NCKAP5: variants seen among roughly 807,000 people sequenced by gnomAD.
NCKAP5 encodes the protein nck-associated protein 5.
Under a neutral mutation model 167.0 loss-of-function variants are expected in NCKAP5, and 92 were observed. That is an observed-to-expected ratio of 0.55 (90% CI 0.47 to 0.66). The LOEUF (loss-of-function observed/expected upper bound fraction) is 0.66. NCKAP5 is among the 30% of genes least tolerant of loss of function. The pLI is 0.00. For synonymous variants in NCKAP5, 891 were observed against 877.4 expected (o/e 1.02, Z -0.27); for missense variants, 2,378 against 2,315.0 (o/e 1.03, Z -0.56).
chr2:133,479,925 C>A (rs955699071), intron 3 of NCKAP5, among the ~76,000 whole-genome samples: 3 of 141,970 alleles, frequency 2.1e-5, no homozygotes, highest in Non-Finnish European at 4.5e-5. Flanking sequence ...GATTTGTTTT[C>A]TTTTTCCTTT....
intron 4 of NCKAP5, among the ~76,000 whole-genome samples, chr2:133,244,950 C>A (rs926081624): frequency 6.6e-6 from 1 of 152,166 alleles, no homozygotes; most frequent in African/African-American, 2.4e-5. Flanking sequence ...GCATAAAGGA[C>A]TTTATTAATT....
intron 4 of NCKAP5, among the ~76,000 whole-genome samples, chr2:133,277,623 A>G (rs1222739575): frequency 6.6e-5 from 10 of 152,184 alleles, no homozygotes; most frequent in Non-Finnish European, 5.9e-5. Flanking sequence ...AAAAATAACA[A>G]GGTTCTTTGG....
chr2:132,716,735 G>A (rs565678179), intron 19 of NCKAP5, among the ~76,000 whole-genome samples: 9 of 152,190 alleles, frequency 5.9e-5, no homozygotes, highest in African/African-American at 1.7e-4. Context: ...ATTGAGCAAC[G>A]GCCTTGCTAC....
At chr2:133,464,721 G>T (rs1363141170) in intron 3 of NCKAP5, among the ~76,000 whole-genome samples, 1 of 152,162 alleles carries the variant, frequency 6.6e-6, no homozygotes, top group Non-Finnish European at 1.5e-5. Context: ...AATAAATGTG[G>T]AAATAAGTTA....
chr2:133,289,640 G>A (rs576555915), intron 4 of NCKAP5, among the ~76,000 whole-genome samples: 6 of 151,860 alleles, frequency 4.0e-5, no homozygotes, highest in South Asian at 2.1e-4. Flanking sequence ...GCAGTGGGCC[G>A]AGATCGTGCC....
At chr2:133,465,212 T>C (rs1273766244) in intron 3 of NCKAP5, among the ~76,000 whole-genome samples, 1 of 134,246 alleles carries the variant, frequency 7.4e-6, no homozygotes, top group Non-Finnish European at 1.5e-5. Context: ...CCTGTGTCCA[T>C]GTGATCTCAT....
At chr2:133,039,202 C>T (rs1361610958) in intron 6 of NCKAP5, among the ~76,000 whole-genome samples, 1 of 152,138 alleles carries the variant, frequency 6.6e-6, no homozygotes, top group Non-Finnish European at 1.5e-5. Context: ...AGTGTCTCAG[C>T]AATGGGTGTT....
At chr2:133,043,533 C>CA (rs931466117) in intron 6 of NCKAP5, among the ~76,000 whole-genome samples, 9 of 151,446 alleles carry the variant, frequency 5.9e-5, no homozygotes, top group East Asian at 1.9e-4. Context: ...AAAAAAATTG[C>CA]AAAAAAAACT....
At chr2:133,511,500 G>A (rs961414939) in intron 3 of NCKAP5, among the ~76,000 whole-genome samples, 6 of 152,168 alleles carry the variant, frequency 3.9e-5, no homozygotes, top group Non-Finnish European at 8.8e-5. Context: ...GGTCTGACAC[G>A]TCTCTAACTC....
At chr2:133,205,903 A>T (rs2085929713) in intron 5 of NCKAP5, among the ~76,000 whole-genome samples, 1 of 152,150 alleles carries the variant, frequency 6.6e-6, no homozygotes, top group Non-Finnish European at 1.5e-5. Flanking sequence ...GATGATTGAT[A>T]TGTAGGAATT....
At chr2:133,310,234 T>C (rs1236582440) in intron 3 of NCKAP5, among the ~76,000 whole-genome samples, 4 of 152,200 alleles carry the variant, frequency 2.6e-5, no homozygotes, top group South Asian at 4.1e-4. Flanking sequence ...TGTACCAATA[T>C]AAATTCTTCC....
chr2:133,256,832 G>A (rs2088642071), intron 4 of NCKAP5, among the ~76,000 whole-genome samples: 1 of 152,134 alleles, frequency 6.6e-6, no homozygotes, highest in South Asian at 2.1e-4. Flanking sequence ...TGGGGCTGCA[G>A]CCCTCATCCT....
intron 7 of NCKAP5, among the ~76,000 whole-genome samples, chr2:132,980,356 G>A (rs1334016650): frequency 2.0e-5 from 3 of 152,048 alleles, no homozygotes; most frequent in Admixed American, 6.6e-5. Flanking sequence ...AAATCCTCAT[G>A]CCCAGGCCAC....
intron 3 of NCKAP5, among the ~76,000 whole-genome samples, chr2:133,510,545 T>C (rs1348760446): frequency 6.6e-6 from 1 of 152,162 alleles, no homozygotes; most frequent in Non-Finnish European, 1.5e-5. Context: ...CCACCTCCAT[T>C]CCTTTGTCAA....
chr2:133,381,435 G>A (rs547817010), intron 3 of NCKAP5: 3 of 152,184 alleles, frequency 2.0e-5, no homozygotes, highest in South Asian at 2.1e-4. Flanking sequence ...AGTCCTCATC[G>A]GGTGGGCAAA....
rs59012786 is a variant in NCKAP5, at chr2:132,895,816, CAAA to C, written c.580-16903_580-16901del. The stretch of plus-strand genomic sequence containing the variant: ...CAGAGCTAACTGAATGAGAAGGACT[CAAA>C]AAAAAAAAAAAAAACAAAAAAAAAA... On this transcript the variant is annotated intron_variant, in intron 8 of 19. Transcript: ENST00000409261. Among the ~76,000 whole-genome samples the C allele has an allele frequency of 1.9e-3, 200 of 105,218 alleles. 2 individuals are homozygous for C. Among genetic ancestry groups the C allele is most frequent in the Middle Eastern group, 5.1e-3 (1 of 198 alleles). 69.0% of individuals were successfully genotyped at this position (105,218 alleles called of 152,430 possible).
chr2:133,326,237 C>T (rs934310026), intron 3 of NCKAP5, among the ~76,000 whole-genome samples: 4 of 152,094 alleles, frequency 2.6e-5, no homozygotes, highest in African/African-American at 4.8e-5. Context: ...AGGCGGATCA[C>T]GAGCTCAGGA....
At chr2:133,084,157 G>T (rs2080905237) in intron 6 of NCKAP5, among the ~76,000 whole-genome samples, 1 of 152,078 alleles carries the variant, frequency 6.6e-6, no homozygotes, top group Non-Finnish European at 1.5e-5. Context: ...ATCCAGGGTG[G>T]CTGGATAAGG....
chr2:133,565,990 G>C (rs934287454), intron 1 of NCKAP5, among the ~76,000 whole-genome samples: 11 of 152,130 alleles, frequency 7.2e-5, no homozygotes, highest in Admixed American at 5.2e-4. Flanking sequence ...CCAGATCCCA[G>C]GGCAAAAAAT....
Sources: gnomAD v4.1 joint callset for allele counts (sites outside exome capture counted in the v4.1 genomes callset) on GRCh38, gnomAD v4.1.1 for gene constraint, MANE v1.5 for transcripts, NCBI Gene and HGNC (gene_info 2026-07-23, HGNC 2026-07-21) for gene names.